The following IL1RAPL2 variants were observed in gnomAD, a reference collection of about 807,000 sequenced individuals.
The protein encoded by IL1RAPL2 is interleukin 1 receptor accessory protein like 2, also known as X-linked interleukin-1 receptor accessory protein-like 2.
Under a neutral mutation model 44.1 loss-of-function variants are expected in IL1RAPL2, and 3 were observed. That is an observed-to-expected ratio of 0.07 (90% CI 0.03 to 0.18). IL1RAPL2 has a LOEUF of 0.18. Ranked by LOEUF, IL1RAPL2 falls within the 10% of genes least tolerant of loss-of-function variation. IL1RAPL2 has a pLI of 1.00. For missense variants in IL1RAPL2, 391 were observed against 496.4 expected, an observed-to-expected ratio of 0.79 and a Z score of 2.02; for synonymous variants, 181 against 178.8, an observed-to-expected ratio of 1.01 and a Z score of -0.10.
intron 2 of IL1RAPL2, among the ~76,000 whole-genome samples, chrX:104,910,395 T>C (rs1420461211): frequency 1.2e-4 from 13 of 112,241 alleles, no homozygotes; most frequent in Non-Finnish European, 1.9e-5. Context: ...ATTCTTTAAG[T>C]TCTGTGGTAC....
chrX:104,879,901 A>G (rs1005538187), intron 2 of IL1RAPL2, among the ~76,000 whole-genome samples: 3 of 111,214 alleles, frequency 2.7e-5, no homozygotes, highest in Admixed American at 1.9e-4. Flanking sequence ...TTATCAAGAC[A>G]GACTAAGTCT....
intron 5 of IL1RAPL2, among the ~76,000 whole-genome samples, chrX:105,300,362 G>A (rs2034687442): frequency 9.0e-6 from 1 of 110,893 alleles, no homozygotes; most frequent in African/African-American, 3.3e-5. Context: ...GACAGGAGCA[G>A]GAGCAAGAGA....
At chrX:105,690,803 C>A (rs1003648733) in intron 6 of IL1RAPL2, among the ~76,000 whole-genome samples, 8 of 111,621 alleles carry the variant, frequency 7.2e-5, no homozygotes, top group African/African-American at 2.6e-4. Context: ...CCAAACATAG[C>A]AAAATATTAT....
chrX:104,643,038 T>C (rs1334133960), intron 1 of IL1RAPL2, among the ~76,000 whole-genome samples: 1 of 112,146 alleles, frequency 8.9e-6, no homozygotes, highest in Non-Finnish European at 1.9e-5. Flanking sequence ...TAATTTGTTC[T>C]CCAGAAAAAT....
At chrX:105,534,068 T>C (rs944434436) in intron 6 of IL1RAPL2, among the ~76,000 whole-genome samples, 13 of 112,199 alleles carry the variant, frequency 1.2e-4, no homozygotes, top group African/African-American at 4.2e-4. Flanking sequence ...AGATATACCT[T>C]CAAAGTAAAT....
At chrX:104,860,675 C>T (rs1345277195) in intron 2 of IL1RAPL2, among the ~76,000 whole-genome samples, 1 of 110,726 alleles carries the variant, frequency 9.0e-6, no homozygotes, top group East Asian at 2.8e-4. Flanking sequence ...ATGAGTATTT[C>T]CTTTTAGACT....
intron 2 of IL1RAPL2, among the ~76,000 whole-genome samples, chrX:104,889,344 C>T (rs1243210660): frequency 9.0e-6 from 1 of 111,651 alleles, no homozygotes; most frequent in African/African-American, 3.3e-5. Flanking sequence ...ACACAGGGAG[C>T]CACTCAGTTT....
intron 2 of IL1RAPL2, among the ~76,000 whole-genome samples, chrX:105,002,323 CAAAG>C (rs953072309): frequency 1.6e-4 from 18 of 110,753 alleles, no homozygotes; most frequent in African/African-American, 5.9e-4. Context: ...ATAAGCCTGA[CAAAG>C]AAGGAGAATG....
intron 2 of IL1RAPL2, among the ~76,000 whole-genome samples, chrX:104,949,204 G>A (rs5916841): frequency 0.37 from 37,517 of 102,142 alleles, 5,718 homozygotes; most frequent in East Asian, 0.46. Flanking sequence ...GTTTATTTGC[G>A]TAGAGGTGTT....
intron 2 of IL1RAPL2, among the ~76,000 whole-genome samples, chrX:105,068,913 A>C (rs1200535120): frequency 8.9e-6 from 1 of 112,003 alleles, no homozygotes; most frequent in Non-Finnish European, 1.9e-5. Context: ...TTATCAATAG[A>C]AGTGCCTTAA....
At chrX:105,096,949 T>C (rs1296474199) in intron 2 of IL1RAPL2, among the ~76,000 whole-genome samples, 1 of 111,230 alleles carries the variant, frequency 9.0e-6, no homozygotes, top group Non-Finnish European at 1.9e-5. Context: ...AATACAAAAA[T>C]CTATCACTTG....
chrX:104,738,714 A>C (rs1383133027), intron 2 of IL1RAPL2, among the ~76,000 whole-genome samples: 1 of 111,573 alleles, frequency 9.0e-6, no homozygotes, highest in Non-Finnish European at 1.9e-5. Flanking sequence ...CTGAGGTGGG[A>C]GGATTGCTTG....
intron 5 of IL1RAPL2, among the ~76,000 whole-genome samples, chrX:105,379,699 A>G (rs994988344): frequency 2.7e-5 from 3 of 111,546 alleles, no homozygotes; most frequent in African/African-American, 9.8e-5. Flanking sequence ...CCTCAGTTTC[A>G]TCATTTGTAA....
chrX:104,651,699 T>G (rs1262892420), intron 1 of IL1RAPL2, among the ~76,000 whole-genome samples: 2 of 111,196 alleles, frequency 1.8e-5, no homozygotes, highest in African/African-American at 6.5e-5. Flanking sequence ...ATAGCAGAGA[T>G]GAGCCAATGT....
At chrX:105,671,452 A>G (rs1295782153) in intron 6 of IL1RAPL2, among the ~76,000 whole-genome samples, 1 of 111,376 alleles carries the variant, frequency 9.0e-6, no homozygotes, top group African/African-American at 3.3e-5. Flanking sequence ...TTATTTCTTT[A>G]TTTCCAGTTT....
At position 105,447,980 on chromosome X, in the gene IL1RAPL2, T is replaced by C. The variant is rs1052832513; in HGVS notation, c.698-36333T>C. 5.0e-3 allele frequency among the ~76,000 whole-genome samples: 505 copies of C among 101,632 alleles called. 1 individual carries two copies. The highest frequency in any genetic ancestry group is 7.2e-3 in the Non-Finnish European group (367 of 51,183). 88.3% of individuals were successfully genotyped at this position (101,632 alleles called of 115,157 possible). ...TATATAAATATATTAAAAATATAAA[T>C]ATATAAATATATAATTTTAACCAGA... On this transcript the variant is annotated intron_variant, in intron 5 of 10. Transcript: ENST00000372582.
intron 2 of IL1RAPL2, among the ~76,000 whole-genome samples, chrX:104,835,489 A>G (rs1921718984): frequency 8.9e-6 from 1 of 111,774 alleles, no homozygotes; most frequent in South Asian, 3.7e-4. Flanking sequence ...GGTCTTATTC[A>G]TTACTTCCTA....
At chrX:105,313,599 C>T (rs2034814748) in intron 5 of IL1RAPL2, among the ~76,000 whole-genome samples, 2 of 111,554 alleles carry the variant, frequency 1.8e-5, no homozygotes, top group African/African-American at 6.5e-5. Flanking sequence ...TTTATTCTTC[C>T]ATGTCATGCA....
At position 105,526,962 on chromosome X, in the gene IL1RAPL2, A is replaced by T. The variant is rs1015322564; in HGVS notation, c.772+42575A>T. On this transcript the variant is annotated intron_variant, in intron 6 of 10. Transcript: ENST00000372582. ...ATGAATTTCTGGATTTGATTACCAT[A>T]ATAACAATAAGGTTGAGCAAGATGT... is the stretch of plus-strand genomic sequence containing the variant. Among the ~76,000 whole-genome samples the T allele has an allele frequency of 3.6e-5, 4 of 111,700 alleles. No individual in the cohort carries two copies. In the Admixed American group the frequency reaches 3.8e-4, roughly 11 times the overall value.
Sources: gnomAD v4.1 joint callset for allele counts (sites outside exome capture counted in the v4.1 genomes callset) on GRCh38, gnomAD v4.1.1 for gene constraint, MANE v1.5 for transcripts, NCBI Gene and HGNC (gene_info 2026-07-23, HGNC 2026-07-21) for gene names.